The following AKAP19 variants were observed in gnomAD, a reference collection of about 807,000 sequenced individuals.
The protein encoded by AKAP19 is small A-kinase anchoring protein.
the AKAP19 span, among the ~76,000 whole-genome samples, chr2:190,015,518 T>A: frequency 6.6e-6 from 1 of 152,224 alleles, no homozygotes; most frequent in Non-Finnish European, 1.5e-5. Flanking sequence ...GGGCCTGTGA[T>A]AGGAGAGGCT....
At chr2:190,072,859 A>G in the AKAP19 span, among the ~76,000 whole-genome samples, 1 of 152,214 alleles carries the variant, frequency 6.6e-6, no homozygotes, top group South Asian at 2.1e-4. Context: ...TGTTTAGCAG[A>G]TATTCATAGC....
At chr2:190,177,486 G>T in the AKAP19 span, among the ~76,000 whole-genome samples, 1 of 152,230 alleles carries the variant, frequency 6.6e-6, no homozygotes, top group Middle Eastern at 3.4e-3. This position sits in a 1 kb window ranked among gnomAD's most constrained non-coding sequence, Gnocchi z 4.6. Flanking sequence ...CCCAGGGCCC[G>T]GATCCTTCCT....
chr2:189,900,499 T>C, the AKAP19 span, among the ~76,000 whole-genome samples: 1 of 152,230 alleles, frequency 6.6e-6, no homozygotes, highest in Admixed American at 6.5e-5. Context: ...AATATCTCAG[T>C]ATTATTTTAA....
the AKAP19 span, among the ~76,000 whole-genome samples, chr2:190,178,834 A>G: frequency 4.6e-5 from 7 of 152,178 alleles, no homozygotes; most frequent in Non-Finnish European, 1.0e-4. This position sits in a 1 kb window ranked among gnomAD's most constrained non-coding sequence, Gnocchi z 6.3. Flanking sequence ...GAAGTAAAAA[A>G]CACAAATTTC....
the AKAP19 span, among the ~76,000 whole-genome samples, chr2:190,001,187 C>G: frequency 1.6e-3 from 248 of 152,152 alleles, 1 homozygote; most frequent in Non-Finnish European, 2.2e-3. Flanking sequence ...TTTCTATAAC[C>G]TTATTGAGAA....
the AKAP19 span, among the ~76,000 whole-genome samples, chr2:189,886,810 CTGTGCCATA>C: frequency 1.3e-5 from 2 of 151,884 alleles, no homozygotes; most frequent in African/African-American, 4.8e-5. Context: ...ACATTCAGAA[CTGTGCCATA>C]TGTGCCATAA....
chr2:190,014,530 C>T, the AKAP19 span, among the ~76,000 whole-genome samples: 4 of 152,182 alleles, frequency 2.6e-5, no homozygotes, highest in Non-Finnish European at 5.9e-5. Flanking sequence ...TTCAAGATGA[C>T]ATTTGGGTGC....
At chr2:189,920,586 C>G in the AKAP19 span, among the ~76,000 whole-genome samples, 3 of 152,112 alleles carry the variant, frequency 2.0e-5, no homozygotes, top group African/African-American at 7.2e-5. Flanking sequence ...GCAATCCTGC[C>G]CCAAGGCCTG....
the AKAP19 span, chr2:190,180,938 C>T: frequency 2.5e-5 from 25 of 985,202 alleles, no homozygotes; most frequent in East Asian, 1.1e-3. This position sits in a 1 kb window ranked among gnomAD's most constrained non-coding sequence, Gnocchi z 6.8. Flanking sequence ...CTGCACTTTG[C>T]CCCCGCCCGG....
At chr2:190,051,227 T>G in the AKAP19 span, among the ~76,000 whole-genome samples, 1 of 152,368 alleles carries the variant, frequency 6.6e-6, no homozygotes, top group Middle Eastern at 3.4e-3. Context: ...CTATATAATG[T>G]GATTTTCTTC....
the AKAP19 span, among the ~76,000 whole-genome samples, chr2:189,984,780 C>T: frequency 0.054 from 8,170 of 152,088 alleles, 745 homozygotes; most frequent in African/African-American, 0.19. Flanking sequence ...TCACAATCCA[C>T]GTTCTTCTGT....
the AKAP19 span, among the ~76,000 whole-genome samples, chr2:190,096,218 G>A: frequency 6.6e-6 from 1 of 152,168 alleles, no homozygotes; most frequent in African/African-American, 2.4e-5. Flanking sequence ...TGTCTCCCAC[G>A]AAAGTCTCCT....
At chr2:190,037,943 C>G in the AKAP19 span, among the ~76,000 whole-genome samples, 1 of 151,926 alleles carries the variant, frequency 6.6e-6, no homozygotes, top group Non-Finnish European at 1.5e-5. Context: ...ATGATTCCAC[C>G]CATATGAAGT....
the AKAP19 span, chr2:190,057,062 T>C: frequency 1.7e-6 from 1 of 588,698 alleles, no homozygotes. Context: ...TAAAACTTTC[T>C]TGTATGATTT....
the AKAP19 span, among the ~76,000 whole-genome samples, chr2:190,004,588 T>A: frequency 2.0e-5 from 3 of 152,200 alleles, no homozygotes; most frequent in Admixed American, 6.5e-5. Context: ...TTTTTATTTT[T>A]TTTTTTTGAG....
the AKAP19 span, among the ~76,000 whole-genome samples, chr2:190,093,923 C>T: frequency 4.6e-4 from 70 of 152,348 alleles, no homozygotes; most frequent in South Asian, 3.5e-3. Context: ...TCACCTCCAA[C>T]TTGGGCCAAG....
chr2:190,116,444 G>T, the AKAP19 span, among the ~76,000 whole-genome samples: 4 of 152,202 alleles, frequency 2.6e-5, no homozygotes, highest in African/African-American at 4.8e-5. Flanking sequence ...AAACCTAAAT[G>T]CTTCCCACTA....
the AKAP19 span, among the ~76,000 whole-genome samples, chr2:189,942,869 G>T: frequency 6.6e-6 from 1 of 152,212 alleles, no homozygotes; most frequent in Non-Finnish European, 1.5e-5. Flanking sequence ...GCAGCAAAAG[G>T]TTCAAGATGT....
chr2:189,923,566 C>G, the AKAP19 span: 1 of 1,613,952 alleles, frequency 6.2e-7, no homozygotes, highest in South Asian at 1.1e-5. Context: ...TGATTGCTGG[C>G]CAGGTTTTAG....
Sources: gnomAD v4.1 joint callset for allele counts (sites outside exome capture counted in the v4.1 genomes callset) on GRCh38, gnomAD v4.1.1 for gene constraint, Gnocchi (gnomAD v3.1) non-coding constraint, MANE v1.5 for transcripts, NCBI Gene and HGNC (gene_info 2026-07-23, HGNC 2026-07-21) for gene names.